The following OR2L13 variants were observed in gnomAD, a reference collection of about 807,000 sequenced individuals.
OR2L13 encodes olfactory receptor family 2 subfamily L member 13.
In OR2L13, 14 loss-of-function variants were observed where a neutral mutation model predicts 15.3. That is an observed-to-expected ratio of 0.91 (90% CI 0.60 to 1.43). The LOEUF (loss-of-function observed/expected upper bound fraction) is 1.43, where lower values mean the gene tolerates loss of function less well. OR2L13 is among the 40% of genes most tolerant of loss of function. OR2L13 has a pLI of 0.00. For missense variants in OR2L13, 367 were observed against 387.9 expected (o/e 0.95, Z 0.45); for synonymous variants, 152 against 142.9 (o/e 1.06, Z -0.45).
chr1:248,047,631 C>A, the OR2L13 span, among the ~76,000 whole-genome samples: 2 of 152,020 alleles, frequency 1.3e-5, no homozygotes, highest in African/African-American at 4.8e-5. Flanking sequence ...TTTATTTTTT[C>A]TTTCGGGACA....
chr1:248,060,671 A>G, the OR2L13 span: 1 of 1,602,266 alleles, frequency 6.2e-7, no homozygotes, highest in Non-Finnish European at 8.5e-7. Flanking sequence ...GAAAGAGCAC[A>G]CGAATGCCCC....
the OR2L13 span, among the ~76,000 whole-genome samples, chr1:247,991,756 T>G: frequency 6.7e-6 from 1 of 149,680 alleles, no homozygotes; most frequent in African/African-American, 2.5e-5. Flanking sequence ...TGACTTGGGA[T>G]CAGCTCCTCT....
the OR2L13 span, among the ~76,000 whole-genome samples, chr1:247,967,211 C>CT: frequency 6.6e-6 from 1 of 151,928 alleles, no homozygotes; most frequent in Non-Finnish European, 1.5e-5. Flanking sequence ...TTCTTTCTTT[C>CT]TTTTTTTGTT....
chr1:247,990,722 C>G, the OR2L13 span: 787 of 1,560,154 alleles, frequency 5.0e-4, 1 homozygote, highest in Non-Finnish European at 3.0e-4. Flanking sequence ...ATGATAGGCT[C>G]CATCAACTCT....
chr1:247,953,279 G>A, the OR2L13 span, among the ~76,000 whole-genome samples: 6 of 152,208 alleles, frequency 3.9e-5, no homozygotes, highest in East Asian at 5.8e-4. Context: ...GTATGCAAAT[G>A]TTATGCTGTG....
the OR2L13 span, among the ~76,000 whole-genome samples, chr1:248,086,208 A>G: frequency 1.3e-4 from 20 of 152,318 alleles, no homozygotes; most frequent in Admixed American, 1.1e-3. Context: ...TAGATTAGTG[A>G]GCTGAATACT....
chr1:248,020,134 G>C, the OR2L13 span, among the ~76,000 whole-genome samples: 52 of 152,116 alleles, frequency 3.4e-4, no homozygotes, highest in Non-Finnish European at 5.9e-5. Context: ...ATGCCATACT[G>C]TTTTGATTAC....
At chr1:248,024,547 G>A in the OR2L13 span, among the ~76,000 whole-genome samples, 1 of 151,988 alleles carries the variant, frequency 6.6e-6, no homozygotes, top group Non-Finnish European at 1.5e-5. Flanking sequence ...TAGGTCTAAC[G>A]TTTAAGTCTT....
chr1:247,978,544 T>C, the OR2L13 span, among the ~76,000 whole-genome samples: 1 of 152,232 alleles, frequency 6.6e-6, no homozygotes, highest in African/African-American at 2.4e-5. Context: ...AGCAACTATG[T>C]TGTTTAATGA....
the OR2L13 span, among the ~76,000 whole-genome samples, chr1:248,051,945 T>C: frequency 6.6e-6 from 1 of 152,168 alleles, no homozygotes; most frequent in Non-Finnish European, 1.5e-5. Flanking sequence ...ACATTGTAAA[T>C]TGAGGAATAC....
the OR2L13 span, among the ~76,000 whole-genome samples, chr1:248,004,463 T>C: frequency 2.0e-5 from 3 of 152,230 alleles, no homozygotes; most frequent in African/African-American, 7.2e-5. Context: ...AAAATATCTC[T>C]TGACTTGGTG....
At chr1:248,071,030 C>T in the OR2L13 span, among the ~76,000 whole-genome samples, 13 of 152,120 alleles carry the variant, frequency 8.5e-5, no homozygotes, top group South Asian at 1.9e-3. Flanking sequence ...GATTCACAGC[C>T]GAATTCTACC....
chr1:248,004,085 A>G, the OR2L13 span: 9 of 1,586,078 alleles, frequency 5.7e-6, no homozygotes, highest in African/African-American at 1.3e-5. Flanking sequence ...CTTTCTGCCT[A>G]AGGTTTCAGG....
the OR2L13 span, among the ~76,000 whole-genome samples, chr1:248,008,532 C>T: frequency 6.6e-6 from 1 of 151,968 alleles, no homozygotes; most frequent in South Asian, 2.1e-4. Context: ...ACAGAAGTAA[C>T]AATTAACTTC....
exon 3 of OR2L13, chr1:248,100,397 C>A: frequency 1.6e-6 from 1 of 645,008 alleles, no homozygotes; most frequent in Non-Finnish European, 2.5e-6. Context: ...AATAGAAATA[C>A]AACATAATTT....
the OR2L13 span, among the ~76,000 whole-genome samples, chr1:247,994,315 T>G: frequency 1.2e-4 from 19 of 152,228 alleles, no homozygotes; most frequent in Middle Eastern, 3.4e-3. Context: ...GAGAATGGCG[T>G]GAACCCGGGA....
the OR2L13 span, among the ~76,000 whole-genome samples, chr1:247,944,840 A>G: frequency 6.6e-6 from 1 of 152,074 alleles, no homozygotes. Context: ...CTGTGGGATC[A>G]ATGGTGGTAT....
the OR2L13 span, among the ~76,000 whole-genome samples, chr1:248,068,146 G>A: frequency 6.6e-6 from 1 of 152,160 alleles, no homozygotes; most frequent in African/African-American, 2.4e-5. Flanking sequence ...GAGAGCAGTG[G>A]TTCTCCCAGC....
At chr1:247,984,768 T>C in the OR2L13 span, among the ~76,000 whole-genome samples, 1 of 152,184 alleles carries the variant, frequency 6.6e-6, no homozygotes, top group Non-Finnish European at 1.5e-5. Flanking sequence ...CTATTTTAAG[T>C]GTGGAATTCG....
Sources: allele counts gnomAD v4.1 joint callset (sites outside exome capture counted in the v4.1 genomes callset), GRCh38; gene constraint gnomAD v4.1.1; transcripts MANE v1.5; gene names NCBI Gene and HGNC (gene_info 2026-07-23, HGNC 2026-07-21).